The following TNIK variants were observed in gnomAD, a reference collection of about 807,000 sequenced individuals.
The protein encoded by TNIK is TRAF2 and NCK interacting kinase.
A neutral mutation model predicts 191.3 loss-of-function variants in TNIK; 49 were observed. The ratio of observed to expected loss-of-function variants is 0.26; its 90% CI spans 0.20 to 0.32. The LOEUF (loss-of-function observed/expected upper bound fraction) is 0.32, where lower values mean the gene tolerates loss of function less well. TNIK is among the 10% of genes least tolerant of loss of function. TNIK has a pLI of 1.00. For synonymous variants in TNIK, 594 were observed against 600.9 expected, an observed-to-expected ratio of 0.99 and a Z score of 0.17; for missense variants, 1,155 against 1,702.3, an observed-to-expected ratio of 0.68 and a Z score of 5.66.
chr3:171,279,687 C>CGAT (rs138506039), intron 2 of TNIK, among the ~76,000 whole-genome samples: 6,050 of 152,104 alleles, frequency 0.04, 362 homozygotes, highest in African/African-American at 0.14. Flanking sequence ...ATAGCAATGA[C>CGAT]GATGATGATG....
At chr3:171,394,038 T>G (rs773302956) in intron 1 of TNIK, among the ~76,000 whole-genome samples, 3 of 152,220 alleles carry the variant, frequency 2.0e-5, no homozygotes, top group Non-Finnish European at 4.4e-5. Context: ...ACGAAATGCT[T>G]AAAACTTCTC....
rs934920095 is a variant in TNIK, at chr3:171,221,190, G to A, written c.180+6975C>T. Reference sequence around the variant, plus strand: ...AAAGCCATTTGTTTATCTTTTCTCTGTTGAAAGTTTTGACCATGTGCTTGA... The same window carrying A: ...AAAGCCATTTGTTTATCTTTTCTCTATTGAAAGTTTTGACCATGTGCTTGA... On this transcript the variant is annotated intron_variant, in intron 3 of 32. Coordinates refer to ENST00000436636, the MANE Select transcript of TNIK (RefSeq NM_015028.4). Among the ~76,000 whole-genome samples, 2 of 152,210 alleles carry A rather than the reference G, an allele frequency of 1.3e-5. 1 individual carries two copies. The highest frequency in any genetic ancestry group is 1.3e-4 in the Admixed American group (2 of 15,276).
intron 2 of TNIK, among the ~76,000 whole-genome samples, chr3:171,267,940 C>A (rs1466280992): frequency 6.6e-6 from 1 of 152,192 alleles, no homozygotes; most frequent in Non-Finnish European, 1.5e-5. Flanking sequence ...CTGCCAATTG[C>A]AAGCCTTGCT....
intron 30 of TNIK, among the ~76,000 whole-genome samples, chr3:171,067,585 G>T (rs888729924): frequency 7.3e-5 from 11 of 151,500 alleles, no homozygotes; most frequent in African/African-American, 2.4e-4. Flanking sequence ...CAGGAGAATG[G>T]TGTGAACCCA....
chr3:171,231,480 G>T (rs1299928343), intron 2 of TNIK, among the ~76,000 whole-genome samples: 2 of 152,044 alleles, frequency 1.3e-5, no homozygotes, highest in African/African-American at 4.8e-5. Flanking sequence ...TGGCAGTTTG[G>T]GCTTACATGA....
chr3:171,295,438 C>G (rs1469332101), intron 2 of TNIK, among the ~76,000 whole-genome samples: 1 of 152,154 alleles, frequency 6.6e-6, no homozygotes, highest in African/African-American at 2.4e-5. Flanking sequence ...CTATCCATTT[C>G]AGTAGACCTC....
intron 21 of TNIK, among the ~76,000 whole-genome samples, chr3:171,104,493 T>C (rs1724328892): frequency 6.6e-6 from 1 of 151,892 alleles, no homozygotes; most frequent in South Asian, 2.1e-4. Flanking sequence ...TATGGCAAGA[T>C]GGTAAGATTT....
At chr3:171,258,038 T>C (rs1747099637) in intron 2 of TNIK, among the ~76,000 whole-genome samples, 1 of 152,180 alleles carries the variant, frequency 6.6e-6, no homozygotes, top group Non-Finnish European at 1.5e-5. Context: ...CTGGTGCTTT[T>C]GTCCCTCATC....
intron 18 of TNIK, among the ~76,000 whole-genome samples, chr3:171,120,409 T>C (rs951053915): frequency 2.7e-5 from 4 of 148,974 alleles, no homozygotes; most frequent in Admixed American, 6.6e-5. Flanking sequence ...CAAGCTCCGC[T>C]TCCCGGATTC....
At chr3:171,249,508 G>A (rs937748730) in intron 2 of TNIK, among the ~76,000 whole-genome samples, 3 of 152,150 alleles carry the variant, frequency 2.0e-5, no homozygotes, top group African/African-American at 7.2e-5. Flanking sequence ...TGGCAAATTA[G>A]GGGCCTCCTG....
At chr3:171,131,104 C>T (rs572986216) in intron 15 of TNIK, among the ~76,000 whole-genome samples, 114 of 151,872 alleles carry the variant, frequency 7.5e-4, no homozygotes, top group Non-Finnish European at 1.3e-3. Flanking sequence ...ATTGGGAGGC[C>T]GAGGCGGGCG....
chr3:171,078,017 C>T (rs189503663), intron 28 of TNIK, among the ~76,000 whole-genome samples: 11 of 152,256 alleles, frequency 7.2e-5, no homozygotes, highest in East Asian at 3.9e-4. Context: ...GCTGCTGAGA[C>T]GTCCCAGGCC....
chr3:171,392,553 G>A (rs1719675800), intron 1 of TNIK, among the ~76,000 whole-genome samples: 1 of 152,076 alleles, frequency 6.6e-6, no homozygotes, highest in Non-Finnish European at 1.5e-5. Context: ...GCCAAAGTGG[G>A]TGGATCACTT....
chr3:171,244,044 T>G lies in TNIK; in HGVS notation c.124-15823A>C, dbSNP rs60569519. The stretch of plus-strand genomic sequence containing the variant: ...TGAAGAGGACTGCAATTTTGTTTTT[T>G]TTAGAGACAGAAATAGTTTTTTTTT... On this transcript the variant is annotated intron_variant, in intron 2 of 32. Coordinates refer to ENST00000436636, the MANE Select transcript of TNIK (RefSeq NM_015028.4). Among the ~76,000 whole-genome samples, 956 of 150,716 alleles carry G rather than the reference T, an allele frequency of 6.3e-3. 52 individuals are homozygous for G. The East Asian group carries it at 0.14, about 21-fold the overall frequency.
chr3:171,181,238 G>A (rs1470552057), intron 7 of TNIK, among the ~76,000 whole-genome samples: 1 of 152,184 alleles, frequency 6.6e-6, no homozygotes, highest in Non-Finnish European at 1.5e-5. Context: ...TTTCTCAATT[G>A]CACAATGGAA....
chr3:171,103,397 T>C (rs1353891557), intron 21 of TNIK, among the ~76,000 whole-genome samples: 3 of 152,194 alleles, frequency 2.0e-5, no homozygotes, highest in African/African-American at 7.2e-5. Context: ...GAAAAGCTAA[T>C]ATCTGAATTT....
chr3:171,183,171 C>T (rs1480004761), intron 7 of TNIK, among the ~76,000 whole-genome samples: 1 of 152,142 alleles, frequency 6.6e-6, no homozygotes, highest in Non-Finnish European at 1.5e-5. Context: ...AAACAAGAAG[C>T]TTACAGGAAG....
At chr3:171,086,260 T>C (rs1721341765) in intron 24 of TNIK, among the ~76,000 whole-genome samples, 1 of 152,218 alleles carries the variant, frequency 6.6e-6, no homozygotes, top group Non-Finnish European at 1.5e-5. Flanking sequence ...AGATTTTCTT[T>C]CCATCCTATG....
At chr3:171,273,282 G>A (rs1345227922) in intron 2 of TNIK, among the ~76,000 whole-genome samples, 4 of 152,172 alleles carry the variant, frequency 2.6e-5, no homozygotes, top group African/African-American at 7.2e-5. Flanking sequence ...CAATCTGTGG[G>A]TACCAGCCAT....
Sources: gnomAD v4.1 joint callset for allele counts (sites outside exome capture counted in the v4.1 genomes callset) on GRCh38, gnomAD v4.1.1 for gene constraint, MANE v1.5 for transcripts, NCBI Gene and HGNC (gene_info 2026-07-23, HGNC 2026-07-21) for gene names.